Variants in PTPRN2 observed in about 807,000 individuals in gnomAD.
The protein encoded by PTPRN2 is protein tyrosine phosphatase receptor type N2.
In PTPRN2, 74 loss-of-function variants were observed where a neutral mutation model predicts 118.8. The ratio of observed to expected loss-of-function variants is 0.62; its 90% CI spans 0.52 to 0.76. The LOEUF (loss-of-function observed/expected upper bound fraction) is 0.76. Among genes scored for constraint, PTPRN2 ranks in the 30% least tolerant of loss-of-function variants. PTPRN2 has a pLI of 0.00. For synonymous variants in PTPRN2, 641 were observed against 608.0 expected (o/e 1.05, Z -0.80); for missense variants, 1,481 against 1,394.4 (o/e 1.06, Z -0.99).
At chr7:157,688,972 G>C (rs1242650431) in intron 12 of PTPRN2, among the ~76,000 whole-genome samples, 1 of 152,198 alleles carries the variant, frequency 6.6e-6, no homozygotes, top group Non-Finnish European at 1.5e-5. Flanking sequence ...GTCCCGGCGC[G>C]GAGGGTGCTG....
intron 1 of PTPRN2, among the ~76,000 whole-genome samples, chr7:158,518,144 TATAAA>T (rs1238103557): frequency 6.6e-6 from 1 of 152,234 alleles, no homozygotes; most frequent in African/African-American, 2.4e-5. Context: ...CCATGGTGTC[TATAAA>T]ATAGTTAGAG....
rs1798223833 is a variant in PTPRN2 at position 157,704,356 on chromosome 7, G to A, written c.1789-21419C>T. Among the ~76,000 whole-genome samples the A allele has an allele frequency of 2.0e-5, 3 of 152,194 alleles. No homozygotes were observed. In the South Asian group the frequency reaches 6.2e-4, roughly 32 times the overall value. The stretch of plus-strand genomic sequence containing the variant: ...TTACCATCTTGACTCTAGGAGCTCC[G>A]ACCTTGGTTTTCATGGATGCCAATG... On this transcript the variant is annotated intron_variant, in intron 12 of 22. Transcript: ENST00000389418.
At chr7:157,966,422 A>T (rs757078482) in intron 11 of PTPRN2, among the ~76,000 whole-genome samples, 4 of 151,988 alleles carry the variant, frequency 2.6e-5, no homozygotes, top group Admixed American at 2.6e-4. Context: ...CATCTTTATC[A>T]TCACCTTTAT....
intron 12 of PTPRN2, among the ~76,000 whole-genome samples, chr7:157,853,400 G>A (rs1809438268): frequency 6.6e-6 from 1 of 152,140 alleles, no homozygotes; most frequent in African/African-American, 2.4e-5. Flanking sequence ...CCCGCACCGT[G>A]CCCACTTTAA....
At chr7:158,339,909 A>T (rs1806323081) in intron 2 of PTPRN2, among the ~76,000 whole-genome samples, 1 of 108,808 alleles carries the variant, frequency 9.2e-6, no homozygotes, top group Non-Finnish European at 2.0e-5. Context: ...TGCAGACGTC[A>T]CTCACACCCA....
At chr7:157,966,504 TCACCATCATCTTCATCAC>T (rs1300460042) in intron 11 of PTPRN2, among the ~76,000 whole-genome samples, 63 of 149,770 alleles carry the variant, frequency 4.2e-4, no homozygotes, top group African/African-American at 1.5e-3. Flanking sequence ...ATCACCATCA[TCACCATCATCTTCATCAC>T]CACCATCATC....
chr7:158,236,391 A>G (rs895655057), intron 3 of PTPRN2, among the ~76,000 whole-genome samples: 1 of 151,962 alleles, frequency 6.6e-6, no homozygotes, highest in African/African-American at 2.4e-5. Context: ...CCACCCCTCT[A>G]GCCACCGTGC....
intron 3 of PTPRN2, among the ~76,000 whole-genome samples, chr7:158,264,792 T>C (rs1797763548): frequency 6.6e-6 from 1 of 152,218 alleles, no homozygotes; most frequent in Non-Finnish European, 1.5e-5. Context: ...CACCTTCTTG[T>C]TCCTGGTAGG....
At chr7:158,454,484 TACAAC>T (rs1818321578) in intron 2 of PTPRN2, among the ~76,000 whole-genome samples, 1 of 127,570 alleles carries the variant, frequency 7.8e-6, no homozygotes, top group Admixed American at 7.9e-5. Context: ...ACAGACAAGA[TACAAC>T]ACACACAATC....
Position 158,570,944 on chromosome 7 carries a change from G to A in PTPRN2, c.112+16614C>T, listed in dbSNP as rs935173507. On this transcript the variant is annotated intron_variant, in intron 1 of 22. Transcript: ENST00000389418. This position sits in a 1 kb window ranked among gnomAD's most constrained non-coding sequence, Gnocchi z 4.5. ...AGCCCACCCCTGCAGAGCAAAGCCC[G>A]GGTCCCGGATGGCAAAGCCATACGC... Among the ~76,000 whole-genome samples, 3 of 152,220 alleles carry A rather than the reference G, an allele frequency of 2.0e-5. No individual in the cohort carries two copies. The highest frequency in any genetic ancestry group is 4.4e-5 in the Non-Finnish European group (3 of 68,042).
At chr7:157,803,661 T>G (rs760939011) in intron 12 of PTPRN2, among the ~76,000 whole-genome samples, 4 of 152,184 alleles carry the variant, frequency 2.6e-5, no homozygotes, top group Non-Finnish European at 5.9e-5. Flanking sequence ...ACATCCAGTT[T>G]CCCCAGCACC....
At chr7:158,291,081 G>C (rs535985272) in intron 3 of PTPRN2, among the ~76,000 whole-genome samples, 1 of 152,360 alleles carries the variant, frequency 6.6e-6, no homozygotes, top group South Asian at 2.1e-4. Context: ...GGGGTGGGGA[G>C]TTGAGAACCT....
chr7:157,689,401 A>G (rs955575267), intron 12 of PTPRN2, among the ~76,000 whole-genome samples: 8 of 152,170 alleles, frequency 5.3e-5, no homozygotes, highest in Non-Finnish European at 1.2e-4. Context: ...CTGTCCGAGG[A>G]CGGAGGTCGG....
chr7:158,188,229 GC>G (rs1563576571), intron 5 of PTPRN2, among the ~76,000 whole-genome samples: 1 of 67,570 alleles, frequency 1.5e-5, no homozygotes, highest in African/African-American at 4.9e-5. Flanking sequence ...GGGGAAGGCC[GC>G]CACGCTTGCC....
intron 1 of PTPRN2, among the ~76,000 whole-genome samples, chr7:158,585,539 C>T (rs1342474101): frequency 6.6e-6 from 1 of 152,182 alleles, no homozygotes; most frequent in Non-Finnish European, 1.5e-5. Flanking sequence ...AAACATGGCA[C>T]CAGTTTTAAT....
At chr7:157,816,489 C>T (rs1806409112) in intron 12 of PTPRN2, among the ~76,000 whole-genome samples, 1 of 152,270 alleles carries the variant, frequency 6.6e-6, no homozygotes, top group Non-Finnish European at 1.5e-5. Flanking sequence ...CACTCCACCT[C>T]AGGACGCTGC....
intron 2 of PTPRN2, among the ~76,000 whole-genome samples, chr7:158,329,469 G>C (rs960775339): frequency 6.6e-6 from 1 of 152,166 alleles, no homozygotes; most frequent in African/African-American, 2.4e-5. Context: ...CGAGGAGGTG[G>C]GGCCTTCCTT....
chr7:157,725,398 T>C (rs1243094341), intron 12 of PTPRN2, among the ~76,000 whole-genome samples: 38 of 70,976 alleles, frequency 5.4e-4, no homozygotes, highest in African/African-American at 1.5e-3. Context: ...GAACTGGATA[T>C]CTACACACAG....
At chr7:157,824,555 G>A (rs1311362289) in intron 12 of PTPRN2, among the ~76,000 whole-genome samples, 1 of 152,206 alleles carries the variant, frequency 6.6e-6, no homozygotes, top group Non-Finnish European at 1.5e-5. Context: ...GCCCCCGGAA[G>A]AACTCGGTAG....
Sources: allele counts gnomAD v4.1 joint callset (sites outside exome capture counted in the v4.1 genomes callset), GRCh38; gene constraint gnomAD v4.1.1; non-coding constraint Gnocchi (gnomAD v3.1); transcripts MANE v1.5; gene names NCBI Gene and HGNC (gene_info 2026-07-23, HGNC 2026-07-21).